Variants in UNC79 observed in about 807,000 individuals in gnomAD.
UNC79 encodes protein unc-79 homolog.
In UNC79, 37 loss-of-function variants were observed where a neutral mutation model predicts 283.1. The observed-to-expected ratio is 0.13, with a 90% CI of 0.10 to 0.17. The LOEUF (loss-of-function observed/expected upper bound fraction) is 0.17. UNC79 is among the 10% of genes least tolerant of loss of function. UNC79 has a pLI of 1.00. For missense variants in UNC79, 2,272 were observed against 3,211.1 expected (o/e 0.71, Z 7.07); for synonymous variants, 1,107 against 1,200.2 (o/e 0.92, Z 1.61).
intron 1 of UNC79, among the ~76,000 whole-genome samples, chr14:93,415,175 A>C (rs2055425961): frequency 6.6e-6 from 1 of 152,148 alleles, no homozygotes; most frequent in Non-Finnish European, 1.5e-5. Flanking sequence ...GTTAGCTCTT[A>C]TTATTTTGAG....
At chr14:93,578,092 C>T (rs1189363122) in intron 18 of UNC79, 29 bp downstream of exon 18, 1 of 1,601,734 alleles carries the variant, frequency 6.2e-7, no homozygotes, top group Non-Finnish European at 8.5e-7. Context: ...TCCTTTAGTT[C>T]AGAGGTGAAG....
intron 1 of UNC79, among the ~76,000 whole-genome samples, chr14:93,400,423 T>C (rs2055083802): frequency 6.6e-6 from 1 of 151,904 alleles, no homozygotes; most frequent in Non-Finnish European, 1.5e-5. Context: ...CTGACAGTAG[T>C]AGTTAAATAT....
At chr14:93,616,916 C>T (rs1281652950) in intron 27 of UNC79, among the ~76,000 whole-genome samples, 1 of 152,156 alleles carries the variant, frequency 6.6e-6, no homozygotes, top group Non-Finnish European at 1.5e-5. Flanking sequence ...AAACTATTTT[C>T]ATTTACAAGT....
At chr14:93,506,874 T>C (rs376272975) in intron 7 of UNC79, among the ~76,000 whole-genome samples, 16 of 152,206 alleles carry the variant, frequency 1.1e-4, no homozygotes, top group African/African-American at 3.9e-4. Context: ...AATGTTTCCA[T>C]CAACCCAGAA....
intron 38 of UNC79, among the ~76,000 whole-genome samples, chr14:93,658,527 G>A (rs975783227): frequency 2.0e-5 from 3 of 152,150 alleles, no homozygotes; most frequent in African/African-American, 7.2e-5. Context: ...TATTCTTGCT[G>A]TAACGTTTAC....
chr14:93,455,970 T>G (rs1595509719), intron 1 of UNC79, among the ~76,000 whole-genome samples: 1 of 151,472 alleles, frequency 6.6e-6, no homozygotes, highest in Non-Finnish European at 1.5e-5. Context: ...CTCTCATTGT[T>G]GAGATGAGGC....
At chr14:93,659,398 T>A in intron 39 of UNC79, 137 bp downstream of exon 42, 1 of 672,756 alleles carries the variant, frequency 1.5e-6, no homozygotes, top group South Asian at 2.2e-5. Flanking sequence ...TTTTTCTTCA[T>A]GCTAGGTCAG....
intron 43 of UNC79, among the ~76,000 whole-genome samples, chr14:93,687,420 C>G (rs542959658): frequency 6.6e-6 from 1 of 152,270 alleles, no homozygotes; most frequent in East Asian, 1.9e-4. Context: ...TTTGAGAGAT[C>G]TGAGGAAGGC....
intron 30 of UNC79, among the ~76,000 whole-genome samples, chr14:93,624,909 C>A (rs1301284915): frequency 6.6e-6 from 1 of 152,140 alleles, no homozygotes; most frequent in Admixed American, 6.5e-5. Flanking sequence ...TGCTAACTGC[C>A]AGGAGTCCAG....
chr14:93,435,053 T>C (rs765602171), intron 1 of UNC79, among the ~76,000 whole-genome samples: 1 of 152,206 alleles, frequency 6.6e-6, no homozygotes, highest in Non-Finnish European at 1.5e-5. Flanking sequence ...AATCAATAGA[T>C]AGTTTTCTTT....
At chr14:93,698,482 T>A (rs1216484672) in intron 47 of UNC79, among the ~76,000 whole-genome samples, 17 of 96,574 alleles carry the variant, frequency 1.8e-4, no homozygotes, top group African/African-American at 9.0e-4. Flanking sequence ...TTAGGTTTTT[T>A]TTTTTTTTTT....
chr14:93,413,475 T>C (rs1429663210), intron 1 of UNC79, among the ~76,000 whole-genome samples: 9 of 146,418 alleles, frequency 6.1e-5, no homozygotes, highest in East Asian at 3.9e-4. Flanking sequence ...TGAATAGTGC[T>C]GCAATAAACA....
At chr14:93,601,709 C>T (rs566664353) in intron 25 of UNC79, among the ~76,000 whole-genome samples, 1 of 152,336 alleles carries the variant, frequency 6.6e-6, no homozygotes, top group South Asian at 2.1e-4. Flanking sequence ...TACCAATTTA[C>T]ACTCCTACCA....
chr14:93,391,425 A>G (rs1287740001), intron 1 of UNC79, among the ~76,000 whole-genome samples: 1 of 152,144 alleles, frequency 6.6e-6, no homozygotes, highest in Non-Finnish European at 1.5e-5. Context: ...GTAGGGAAAG[A>G]TTTTTTAAAG....
At chr14:93,673,575 A>C (rs1027962338) in intron 41 of UNC79, 120 bp downstream of exon 44, 33 of 721,144 alleles carry the variant, frequency 4.6e-5, no homozygotes, top group Middle Eastern at 4.9e-4. Flanking sequence ...GATAAATAAT[A>C]TATCTTATAT....
At chr14:93,457,180 T>C (rs1178755721) in intron 1 of UNC79, among the ~76,000 whole-genome samples, 2 of 152,240 alleles carry the variant, frequency 1.3e-5, no homozygotes, top group Non-Finnish European at 2.9e-5. Context: ...CATTTCTTCA[T>C]TCAGTCATTC....
chr14:93,683,019 C>T (rs1224772081), intron 42 of UNC79, among the ~76,000 whole-genome samples: 1 of 152,018 alleles, frequency 6.6e-6, no homozygotes. Context: ...TAGTTATTTT[C>T]TATATTTTTC....
chr14:93,456,004 T>C (rs1235177225), intron 1 of UNC79, among the ~76,000 whole-genome samples: 1 of 151,800 alleles, frequency 6.6e-6, no homozygotes, highest in African/African-American at 2.4e-5. Flanking sequence ...CAGGTGACTC[T>C]TGTAGGAGCT....
At chr14:93,412,380 A>C (rs1223542939) in intron 1 of UNC79, among the ~76,000 whole-genome samples, 2 of 152,044 alleles carry the variant, frequency 1.3e-5, no homozygotes, top group African/African-American at 4.8e-5. Context: ...TGAAAGGGAT[A>C]ATAACGAGAA....
Sources: allele counts gnomAD v4.1 joint callset (sites outside exome capture counted in the v4.1 genomes callset), GRCh38; gene constraint gnomAD v4.1.1; transcripts MANE v1.5; gene names NCBI Gene and HGNC (gene_info 2026-07-23, HGNC 2026-07-21).